The following FGF12 variants were observed in gnomAD, a reference collection of about 807,000 sequenced individuals.
The protein encoded by FGF12 is fibroblast growth factor 12B.
In FGF12, 14 loss-of-function variants were observed where a neutral mutation model predicts 23.6. The observed-to-expected ratio is 0.59, with a 90% CI of 0.39 to 0.93. The LOEUF (loss-of-function observed/expected upper bound fraction) is 0.93, where lower values mean the gene tolerates loss of function less well. Among genes scored for constraint, FGF12 ranks in the 40% least tolerant of loss-of-function variants. FGF12 has a pLI of 0.00. For missense variants in FGF12, 175 were observed against 217.8 expected (o/e 0.80, Z 1.24); for synonymous variants, 62 against 77.3 (o/e 0.80, Z 1.04).
rs958549651 is a variant in FGF12 at position 192,336,786 on chromosome 3, AAC to A, written c.125-1324_125-1323del. Among the ~76,000 whole-genome samples the A allele has an allele frequency of 6.6e-6, 1 of 151,986 alleles. No individual in the cohort carries two copies. The highest frequency in any genetic ancestry group is 1.5e-5 in the Non-Finnish European group (1 of 67,952). The stretch of plus-strand genomic sequence containing the variant: ...TCTCTCAACCTACAATAGTAAGCTA[AAC>A]ACACACACATGCAGACACACACACT... On this transcript the variant is annotated intron_variant, in intron 3 of 5. Transcript: ENST00000445105. The surrounding 1 kb of genome is among the most constrained non-coding windows in gnomAD (Gnocchi z 4.3).
chr3:192,188,551 A>C (rs577033979), intron 4 of FGF12, among the ~76,000 whole-genome samples: 1 of 152,334 alleles, frequency 6.6e-6, no homozygotes, highest in Admixed American at 6.5e-5. Flanking sequence ...TTGAGAAATA[A>C]GCTTCGATAA....
intron 2 of FGF12, among the ~76,000 whole-genome samples, chr3:192,437,794 T>C (rs1473219408): frequency 2.0e-5 from 3 of 152,152 alleles, no homozygotes; most frequent in Non-Finnish European, 2.9e-5. Context: ...CTCTTTGTAA[T>C]CTGGAAGCTT....
intron 2 of FGF12, among the ~76,000 whole-genome samples, chr3:192,606,217 G>C (rs1037630314): frequency 6.6e-6 from 1 of 152,152 alleles, no homozygotes; most frequent in African/African-American, 2.4e-5. Context: ...CATGTCCTTT[G>C]CAGCAACATG....
chr3:192,572,638 A>G (rs1712692879), intron 2 of FGF12, among the ~76,000 whole-genome samples: 1 of 152,214 alleles, frequency 6.6e-6, no homozygotes, highest in African/African-American at 2.4e-5. Flanking sequence ...ACAGACAAAT[A>G]CCACTCACTG....
chr3:192,255,835 C>T (rs1712350409), intron 4 of FGF12, among the ~76,000 whole-genome samples: 1 of 152,048 alleles, frequency 6.6e-6, no homozygotes. Flanking sequence ...GTCTATGGAA[C>T]ATCTCCAGTA....
intron 4 of FGF12, among the ~76,000 whole-genome samples, chr3:192,252,896 C>T (rs947692210): frequency 6.6e-5 from 10 of 152,008 alleles, no homozygotes; most frequent in African/African-American, 1.9e-4. Flanking sequence ...TGAAACATTG[C>T]TCTCATTATA....
intron 4 of FGF12, among the ~76,000 whole-genome samples, chr3:192,269,227 G>C (rs1302762551): frequency 6.6e-6 from 1 of 152,074 alleles, no homozygotes; most frequent in African/African-American, 2.4e-5. Flanking sequence ...GCCCTACTAA[G>C]ACATTTTTAA....
chr3:192,172,635 C>T (rs1291925323), intron 4 of FGF12, among the ~76,000 whole-genome samples: 2 of 150,626 alleles, frequency 1.3e-5, no homozygotes, highest in Non-Finnish European at 3.0e-5. Flanking sequence ...TAAAAATGGA[C>T]ATGACAAAGT....
chr3:192,203,640 C>T (rs961643704), intron 4 of FGF12, among the ~76,000 whole-genome samples: 1 of 149,050 alleles, frequency 6.7e-6, no homozygotes, highest in African/African-American at 2.5e-5. Flanking sequence ...ACAATCATGG[C>T]TCACTGCAGC....
chr3:192,580,785 G>T (rs1000443914), intron 2 of FGF12, among the ~76,000 whole-genome samples: 2 of 152,134 alleles, frequency 1.3e-5, no homozygotes, highest in African/African-American at 4.8e-5. Context: ...TTTTAGTAGA[G>T]ACAGGGTTTC....
At chr3:192,359,436 A>C (rs537567890) in intron 3 of FGF12, among the ~76,000 whole-genome samples, 5 of 152,318 alleles carry the variant, frequency 3.3e-5, no homozygotes, top group Admixed American at 1.3e-4. Flanking sequence ...TACATCCATC[A>C]GAATCACAAC....
chr3:192,209,516 G>C (rs928134888), intron 4 of FGF12, among the ~76,000 whole-genome samples: 1 of 152,178 alleles, frequency 6.6e-6, no homozygotes, highest in African/African-American at 2.4e-5. Context: ...TATCAAAAGA[G>C]AATGTATTCT....
intron 2 of FGF12, among the ~76,000 whole-genome samples, chr3:192,719,802 A>AAAAC (rs1553849219): frequency 2.6e-4 from 36 of 138,960 alleles, no homozygotes; most frequent in East Asian, 1.1e-3. Context: ...AAAAAAAAAA[A>AAAAC]AAGAAAAACA....
At chr3:192,476,476 T>C (rs1723328449) in intron 2 of FGF12, among the ~76,000 whole-genome samples, 1 of 152,222 alleles carries the variant, frequency 6.6e-6, no homozygotes, top group Non-Finnish European at 1.5e-5. Context: ...AAGTACTTGA[T>C]AAATAATTAA....
At chr3:192,463,794 C>A (rs1232233706) in intron 2 of FGF12, among the ~76,000 whole-genome samples, 1 of 152,096 alleles carries the variant, frequency 6.6e-6, no homozygotes, top group African/African-American at 2.4e-5. Flanking sequence ...ATCAGAGTAG[C>A]TGGTATTCAT....
intron 2 of FGF12, among the ~76,000 whole-genome samples, chr3:192,556,030 C>T (rs918924655): frequency 6.6e-6 from 1 of 151,032 alleles, no homozygotes; most frequent in Non-Finnish European, 1.5e-5. Flanking sequence ...AGAAAGTGAG[C>T]AATAAATCAA....
At chr3:192,235,442 T>C (rs925820316) in intron 4 of FGF12, among the ~76,000 whole-genome samples, 4 of 152,098 alleles carry the variant, frequency 2.6e-5, no homozygotes, top group Non-Finnish European at 4.4e-5. Context: ...TGAGTAGCTC[T>C]TTCCATTTCT....
In FGF12 at chr3:192,186,044, C is replaced by G. The variant is rs1716448917; in HGVS notation, c.229-15388G>C. Among the ~76,000 whole-genome samples the G allele has an allele frequency of 2.6e-5, 4 of 152,046 alleles. 1 individual carries two copies. The South Asian group carries it at 8.3e-4, about 32-fold the overall frequency. On this transcript the variant is annotated intron_variant, in intron 4 of 5. Coordinates refer to ENST00000445105, the MANE Select transcript of FGF12 (RefSeq NM_004113.6). ...AGAATAAACACAGGTATGATTCAACCTCCTCTTCACATTCTATGTTAGTTT... is the reference window on the plus strand; with the variant it reads ...AGAATAAACACAGGTATGATTCAACGTCCTCTTCACATTCTATGTTAGTTT...
At chr3:192,722,335 T>C (rs1488218671) in intron 2 of FGF12, among the ~76,000 whole-genome samples, 1 of 152,222 alleles carries the variant, frequency 6.6e-6, no homozygotes, top group South Asian at 2.1e-4. Context: ...AAAATGGCTC[T>C]TCTTAAAATC....
Sources: gnomAD v4.1 joint callset for allele counts (sites outside exome capture counted in the v4.1 genomes callset) on GRCh38, gnomAD v4.1.1 for gene constraint, Gnocchi (gnomAD v3.1) non-coding constraint, MANE v1.5 for transcripts, NCBI Gene and HGNC (gene_info 2026-07-23, HGNC 2026-07-21) for gene names.